Variants in STX7 observed in about 807,000 individuals in gnomAD.
The protein encoded by STX7 is syntaxin 7, also known as syntaxin-7.
STX7 carries 34 observed loss-of-function variants against 39.6 expected under a neutral mutation model. The ratio of observed to expected loss-of-function variants is 0.86; its 90% CI spans 0.65 to 1.14. The LOEUF is 1.14. Among genes scored for constraint, STX7 ranks in the 50% most tolerant of loss-of-function variants. The pLI is 0.00. For missense variants in STX7, 284 were observed against 310.4 expected (o/e 0.92, Z 0.64); for synonymous variants, 119 against 99.1 (o/e 1.20, Z -1.19).
intron 2 of STX7, among the ~76,000 whole-genome samples, chr6:132,478,805 G>C (rs1168296745): frequency 6.6e-6 from 1 of 152,144 alleles, no homozygotes; most frequent in Non-Finnish European, 1.5e-5. Flanking sequence ...CTACCCTAAA[G>C]GACAGAGAAC....
At chr6:132,469,391 G>A (rs140183872) in intron 7 of STX7, among the ~76,000 whole-genome samples, 45 of 152,162 alleles carry the variant, frequency 3.0e-4, no homozygotes, top group African/African-American at 1.0e-3. Flanking sequence ...GTCCATAGAT[G>A]GCTTGATATA....
chr6:132,501,121 G>A (rs1046101292), intron 2 of STX7, among the ~76,000 whole-genome samples: 13 of 151,048 alleles, frequency 8.6e-5, no homozygotes, highest in Admixed American at 1.3e-4. Context: ...GTTCAATGGC[G>A]TGATCACTGC....
intron 8 of STX7, among the ~76,000 whole-genome samples, chr6:132,467,035 A>G (rs566074037): frequency 6.6e-6 from 1 of 152,304 alleles, no homozygotes; most frequent in South Asian, 2.1e-4. Flanking sequence ...CATCTGGATG[A>G]CTGCAATAGC....
rs1774348544 is a variant in STX7, at chr6:132,460,026, C to G, written c.*732G>C. 3 of 152,150 alleles carry G rather than the reference C, an allele frequency of 2.0e-5. No individual in the cohort carries two copies. The highest frequency in any genetic ancestry group is 2.4e-5 in the African/African-American group (1 of 41,432). The allele number at this position is 152,150 out of a possible 1,614,324, so 9.4% of individuals were successfully genotyped here. On this transcript the variant is annotated 3_prime_UTR_variant, in exon 10 of 10. Transcript: ENST00000367941. ...GGTATTGGTATTGGTTGTTCATACT[C>G]TTCTTCCAAATTATGTTAAACATTT...
At chr6:132,464,726 C>T (rs530401339) in intron 8 of STX7, among the ~76,000 whole-genome samples, 11 of 152,258 alleles carry the variant, frequency 7.2e-5, no homozygotes, top group African/African-American at 2.6e-4. Context: ...GACTCAGTAG[C>T]AAGCATGTGA....
chr6:132,486,133 A>T (rs879304635), intron 2 of STX7, among the ~76,000 whole-genome samples: 9 of 152,230 alleles, frequency 5.9e-5, no homozygotes, highest in African/African-American at 2.2e-4. Flanking sequence ...TTTTCTACAT[A>T]GACATTTATG....
At chr6:132,461,331 G>C (rs1774392779) in intron 9 of STX7, among the ~76,000 whole-genome samples, 1 of 151,650 alleles carries the variant, frequency 6.6e-6, no homozygotes, top group Admixed American at 6.6e-5. Flanking sequence ...TTTTGAGATG[G>C]AGTCTTGCTC....
intron 1 of STX7, among the ~76,000 whole-genome samples, chr6:132,512,619 G>C (rs1194924145): frequency 5.3e-5 from 8 of 152,232 alleles, no homozygotes; most frequent in Non-Finnish European, 1.2e-4. Context: ...AAGAGGAAGA[G>C]GTCATTTGGT....
intron 8 of STX7, among the ~76,000 whole-genome samples, chr6:132,465,148 T>A (rs923351376): frequency 9.2e-5 from 14 of 152,132 alleles, no homozygotes; most frequent in Non-Finnish European, 2.1e-4. Flanking sequence ...GGCCTCACAG[T>A]TCACTGACCA....
At position 132,454,491 on chromosome 6, in the gene STX7, T is replaced by C. The variant is rs555389624; in HGVS notation, c.*6267A>G. The stretch of plus-strand genomic sequence containing the variant: ...CGAAAGAGGTCTCTGTATTATTTCT[T>C]ACAACAGCATGTGAATCTAGTTTCT... On this transcript the variant is annotated 3_prime_UTR_variant, in exon 10 of 10. Coordinates refer to ENST00000367941, the MANE Select transcript of STX7 (RefSeq NM_003569.3). 6.6e-6 allele frequency: 1 copy of C among 152,330 alleles called. No homozygotes were observed. Among genetic ancestry groups the C allele is most frequent in the Admixed American group, 6.5e-5 (1 of 15,298 alleles). 9.4% of individuals were successfully genotyped at this position (152,330 alleles called of 1,614,324 possible).
intron 1 of STX7, among the ~76,000 whole-genome samples, chr6:132,511,228 TA>T (rs2114494684): frequency 6.6e-6 from 1 of 152,304 alleles, no homozygotes; most frequent in East Asian, 1.9e-4. Flanking sequence ...TTCCAAAACA[TA>T]AAATTCCAGT....
In STX7 at chr6:132,451,988, C is replaced by G. The variant is rs1774144818; in HGVS notation, c.*8770G>C. On this transcript the variant is annotated 3_prime_UTR_variant, in exon 10 of 10. Coordinates refer to ENST00000367941, the MANE Select transcript of STX7 (RefSeq NM_003569.3). Reference sequence around the variant, plus strand: ...TCGCATTAAAACAGATGCAAAAATCCTTAACAAAATATTAGCCAAAAGAAT... The same window carrying G: ...TCGCATTAAAACAGATGCAAAAATCGTTAACAAAATATTAGCCAAAAGAAT... The G allele has an allele frequency of 6.6e-6, 1 of 152,094 alleles. No homozygotes were observed. Among genetic ancestry groups the G allele is most frequent in the Admixed American group, 6.6e-5 (1 of 15,264 alleles). 9.4% of individuals were successfully genotyped at this position (152,094 alleles called of 1,614,324 possible).
Position 132,503,597 on chromosome 6 carries a change from T to C in STX7, c.-58-9A>G. On this transcript the variant is annotated splice_polypyrimidine_tract_variant and intron_variant, in intron 1 of 9. Transcript: ENST00000367941. Reference sequence around the variant, plus strand: ...GTTTTCTAAGCAGTCACCTAAATAATATAAAAGTCACACAGATATATTTTT... The same window carrying C: ...GTTTTCTAAGCAGTCACCTAAATAACATAAAAGTCACACAGATATATTTTT... 1 of 1,247,534 alleles carries C rather than the reference T, an allele frequency of 8.0e-7. No homozygotes were observed. Among genetic ancestry groups the C allele is most frequent in the Non-Finnish European group, 1.2e-6 (1 of 862,540 alleles). 77.3% of individuals were successfully genotyped at this position (1,247,534 alleles called of 1,614,324 possible). A position where few individuals can be genotyped will look rare whatever the true frequency, so the allele number is the denominator to read the frequency against.
chr6:132,470,629 G>A lies in STX7; in HGVS notation c.388-3C>T. On this transcript the variant is annotated splice_region_variant and splice_polypyrimidine_tract_variant and intron_variant, in intron 5 of 9. Coordinates refer to ENST00000367941, the MANE Select transcript of STX7 (RefSeq NM_003569.3). ...GAGCTGTCCTCAGGAAAACTGCCCTGAATAATTTAGTAACAGGATGGAATG... is the reference window on the plus strand; with the variant it reads ...GAGCTGTCCTCAGGAAAACTGCCCTAAATAATTTAGTAACAGGATGGAATG... 1 of 1,605,544 alleles carries A rather than the reference G, an allele frequency of 6.2e-7. No individual in the cohort carries two copies. Among genetic ancestry groups the A allele is most frequent in the Middle Eastern group, 1.7e-4 (1 of 5,972 alleles).
In STX7 at chr6:132,503,456, G is replaced by A. The variant is rs1286191729; in HGVS notation, c.75C>T (p.Ile25=). Residue 25 remains isoleucine (I), a synonymous_variant, in exon 2 of 10, where the codon ATC becomes ATT. Transcript: ENST00000367941. ...AQRISSNIQK[I]TQCSVEIQRT... Reference sequence around the variant, plus strand: ...TAAAACTCAACTCACAACACTGTGTGATCTTCTGGATGTTAGAAGAGATCC... The same window carrying A: ...TAAAACTCAACTCACAACACTGTGTAATCTTCTGGATGTTAGAAGAGATCC... 4.3e-6 allele frequency: 7 copies of A among 1,613,688 alleles called. No individual in the cohort carries two copies. Among genetic ancestry groups the A allele is most frequent in the Non-Finnish European group, 5.9e-6 (7 of 1,179,726 alleles).
rs1452599379 is a variant in STX7, at chr6:132,449,667, T to C, written c.*11091A>G. The stretch of plus-strand genomic sequence containing the variant: ...TTGTGGTGAATCTGCTCTTAAACCA[T>C]TCATTATGTTATATATTTCAATAAT... On this transcript the variant is annotated 3_prime_UTR_variant, in exon 10 of 10. Coordinates refer to ENST00000367941, the MANE Select transcript of STX7 (RefSeq NM_003569.3). 2 of 152,206 alleles carry C rather than the reference T, an allele frequency of 1.3e-5. No homozygotes were observed. The highest frequency in any genetic ancestry group is 2.9e-5 in the Non-Finnish European group (2 of 68,026). 9.4% of individuals were successfully genotyped at this position (152,206 alleles called of 1,614,324 possible). A position where few individuals can be genotyped will look rare whatever the true frequency, so the allele number is the denominator to read the frequency against.
intron 2 of STX7, among the ~76,000 whole-genome samples, chr6:132,493,041 G>A (rs2114446775): frequency 6.6e-6 from 1 of 152,296 alleles, no homozygotes; most frequent in South Asian, 2.1e-4. Context: ...CACAGACTAG[G>A]ACAGTATCTT....
In STX7 at chr6:132,503,576, T is replaced by C. The variant is rs1161067301; in HGVS notation, c.-46A>G. ...AATTTCATCAGATGCTGTGCAGTTT[T>C]CTAAGCAGTCACCTAAATAATATAA... On this transcript the variant is annotated 5_prime_UTR_variant, in exon 2 of 10. Coordinates refer to ENST00000367941, the MANE Select transcript of STX7 (RefSeq NM_003569.3). The C allele has an allele frequency of 1.4e-6, 2 of 1,447,258 alleles. No homozygotes were observed. Among genetic ancestry groups the C allele is most frequent in the African/African-American group, 2.8e-5 (2 of 71,410 alleles). The allele number at this position is 1,447,258 out of a possible 1,614,324, so 89.7% of individuals were successfully genotyped here. A position where few individuals can be genotyped will look rare whatever the true frequency, so the allele number is the denominator to read the frequency against.
chr6:132,490,436 T>C (rs1393887274), intron 2 of STX7, among the ~76,000 whole-genome samples: 1 of 152,182 alleles, frequency 6.6e-6, no homozygotes, highest in African/African-American at 2.4e-5. Flanking sequence ...GGTAGAAGCA[T>C]GTTTCTGAAT....
Sources: gnomAD v4.1 joint callset for allele counts (sites outside exome capture counted in the v4.1 genomes callset) on GRCh38, gnomAD v4.1.1 for gene constraint, MANE v1.5 for transcripts, NCBI Gene and HGNC (gene_info 2026-07-23, HGNC 2026-07-21) for gene names.